Variants in ADK observed in about 807,000 individuals in gnomAD.
ADK encodes the protein N6,N6-dimethyladenosine kinase.
Under a neutral mutation model 44.7 loss-of-function variants are expected in ADK, and 24 were observed. The observed-to-expected ratio is 0.54, with a 90% CI of 0.39 to 0.76. The LOEUF (loss-of-function observed/expected upper bound fraction) is 0.76. Among genes scored for constraint, ADK ranks in the 30% least tolerant of loss-of-function variants. The pLI is 0.00. For missense variants in ADK, 321 were observed against 425.1 expected, an observed-to-expected ratio of 0.76 and a Z score of 2.15; for synonymous variants, 128 against 142.6, an observed-to-expected ratio of 0.90 and a Z score of 0.73.
intron 9 of ADK, among the ~76,000 whole-genome samples, chr10:74,614,495 A>C (rs1383841744): frequency 1.3e-5 from 2 of 152,162 alleles, no homozygotes; most frequent in Non-Finnish European, 2.9e-5. Flanking sequence ...AGCTATAACC[A>C]GATCAGGAAA....
At chr10:74,610,105 A>T (rs927606499) in intron 9 of ADK, among the ~76,000 whole-genome samples, 1 of 152,182 alleles carries the variant, frequency 6.6e-6, no homozygotes, top group African/African-American at 2.4e-5. Flanking sequence ...ACCTAAACAG[A>T]TATATGCCCA....
intron 4 of ADK, among the ~76,000 whole-genome samples, chr10:74,339,730 CA>C (rs1354470777): frequency 6.6e-6 from 1 of 152,116 alleles, no homozygotes; most frequent in Non-Finnish European, 1.5e-5. Context: ...ATAAATTATT[CA>C]AAACATGAGA....
At chr10:74,440,541 CTTA>C (rs1232699706) in intron 6 of ADK, among the ~76,000 whole-genome samples, 1 of 151,924 alleles carries the variant, frequency 6.6e-6, no homozygotes, top group Non-Finnish European at 1.5e-5. Context: ...AATGAGATAT[CTTA>C]TTATTTGTTT....
intron 6 of ADK, among the ~76,000 whole-genome samples, chr10:74,458,471 AT>A (rs1025044529): frequency 4.6e-5 from 7 of 151,896 alleles, no homozygotes; most frequent in African/African-American, 1.7e-4. Flanking sequence ...ATAGTTGTGA[AT>A]TTTTGAAATA....
chr10:74,412,220 T>C (rs1244404269), intron 6 of ADK, among the ~76,000 whole-genome samples: 1 of 152,118 alleles, frequency 6.6e-6, no homozygotes, highest in Non-Finnish European at 1.5e-5. Flanking sequence ...TTTACTCCTG[T>C]CACTCAGGCA....
chr10:74,475,713 A>C (rs1846805877), intron 6 of ADK, among the ~76,000 whole-genome samples: 1 of 151,844 alleles, frequency 6.6e-6, no homozygotes. Flanking sequence ...CTCTAAACAG[A>C]GAAAGAGAGA....
chr10:74,482,000 T>C (rs553920617), intron 6 of ADK, among the ~76,000 whole-genome samples: 1 of 152,354 alleles, frequency 6.6e-6, no homozygotes, highest in Admixed American at 6.5e-5. Context: ...TCGTAGTTTT[T>C]AGTCACTTTC....
Position 74,216,938 on chromosome 10 carries a change from C to T in ADK, c.141-7600C>T, listed in dbSNP as rs979586642. 5.5e-4 allele frequency among the ~76,000 whole-genome samples: 84 copies of T among 152,150 alleles called. 1 individual carries two copies. The highest frequency in any genetic ancestry group is 1.2e-4 in the Non-Finnish European group (8 of 68,022). ...TCCGGTCTACAGCTCCCAGCGTGAG[C>T]GATGCAGAAGACGGGTGATTTCTGC... On this transcript the variant is annotated intron_variant, in intron 2 of 10. Coordinates refer to ENST00000539909, the MANE Select transcript of ADK (RefSeq NM_006721.4).
chr10:74,601,752 G>A (rs1322915950), intron 9 of ADK, among the ~76,000 whole-genome samples: 1 of 151,468 alleles, frequency 6.6e-6, no homozygotes, highest in African/African-American at 2.4e-5. Context: ...GCTTTCCCAA[G>A]ATACATTGAT....
intron 3 of ADK, among the ~76,000 whole-genome samples, chr10:74,252,405 A>G (rs1011012630): frequency 6.6e-6 from 1 of 152,210 alleles, no homozygotes; most frequent in Non-Finnish European, 1.5e-5. Context: ...GATACTTATC[A>G]CTGAAAGAAA....
intron 10 of ADK, among the ~76,000 whole-genome samples, chr10:74,671,176 C>T (rs1444853043): frequency 3.3e-5 from 5 of 150,826 alleles, no homozygotes; most frequent in African/African-American, 9.7e-5. Context: ...AGTCTTTTGC[C>T]AACATAAATT....
At chr10:74,661,967 T>C (rs942632706) in intron 9 of ADK, among the ~76,000 whole-genome samples, 1 of 152,236 alleles carries the variant, frequency 6.6e-6, no homozygotes, top group Non-Finnish European at 1.5e-5. Context: ...ACTATTGTTC[T>C]ATGAGATCTA....
In ADK at chr10:74,554,875, A is replaced by G. The variant is rs566542665; in HGVS notation, c.726+29449A>G. Among the ~76,000 whole-genome samples the G allele has an allele frequency of 2.6e-4, 39 of 152,304 alleles. No homozygotes were observed. In the South Asian group the frequency reaches 7.7e-3, roughly 30 times the overall value. ...TATTTATAAAAATATGATTTGGTAT[A>G]TATGCAAATGTAGCTTATTTTATAT... On this transcript the variant is annotated intron_variant, in intron 7 of 10. Coordinates refer to ENST00000539909, the MANE Select transcript of ADK (RefSeq NM_006721.4).
intron 7 of ADK, among the ~76,000 whole-genome samples, chr10:74,552,582 G>A (rs1850072401): frequency 6.6e-6 from 1 of 151,410 alleles, no homozygotes; most frequent in Non-Finnish European, 1.5e-5. Context: ...ATATTTTATA[G>A]TGTGTAAATG....
chr10:74,484,967 A>T (rs774836247), intron 6 of ADK, among the ~76,000 whole-genome samples: 5 of 152,116 alleles, frequency 3.3e-5, no homozygotes, highest in Non-Finnish European at 5.9e-5. Flanking sequence ...GAATATCTGT[A>T]TGATCTCGGG....
chr10:74,541,783 A>AC (rs1849635637), intron 7 of ADK, among the ~76,000 whole-genome samples: 1 of 77,068 alleles, frequency 1.3e-5, no homozygotes, highest in Non-Finnish European at 2.7e-5. Context: ...ACAGAACGAG[A>AC]ACCCCCACAC....
chr10:74,399,778 GT>G (rs1843646533), intron 6 of ADK, among the ~76,000 whole-genome samples: 1 of 151,960 alleles, frequency 6.6e-6, no homozygotes, highest in African/African-American at 2.4e-5. Flanking sequence ...AAAGCACCAT[GT>G]TTAGAATTTG....
At chr10:74,416,119 C>G (rs1336682536) in intron 6 of ADK, among the ~76,000 whole-genome samples, 1 of 150,642 alleles carries the variant, frequency 6.6e-6, no homozygotes, top group African/African-American at 2.4e-5. Context: ...TTTTGAAATA[C>G]CAGTTTTTTT....
At chr10:74,650,312 C>T (rs1432454806) in intron 9 of ADK, among the ~76,000 whole-genome samples, 3 of 151,928 alleles carry the variant, frequency 2.0e-5, no homozygotes, top group Non-Finnish European at 2.9e-5. Context: ...CCCAGCTACT[C>T]GGGAAGCTGA....
Sources: gnomAD v4.1 joint callset for allele counts (sites outside exome capture counted in the v4.1 genomes callset) on GRCh38, gnomAD v4.1.1 for gene constraint, MANE v1.5 for transcripts, NCBI Gene and HGNC (gene_info 2026-07-23, HGNC 2026-07-21) for gene names.